Variants in MAN2A1 observed in about 807,000 individuals in gnomAD.
MAN2A1 encodes mannosidase alpha class 2A member 1.
MAN2A1 carries 76 observed loss-of-function variants against 142.6 expected under a neutral mutation model. The ratio of observed to expected loss-of-function variants is 0.53; its 90% CI spans 0.44 to 0.65. The LOEUF is 0.65. MAN2A1 is among the 30% of genes least tolerant of loss of function. MAN2A1 has a pLI of 0.00. For missense variants in MAN2A1, 1,311 were observed against 1,365.1 expected (o/e 0.96, Z 0.62); for synonymous variants, 559 against 473.2 (o/e 1.18, Z -2.35).
chr5:109,732,324 CTGA>C (rs1561483414), intron 4 of MAN2A1, among the ~76,000 whole-genome samples: 6 of 152,086 alleles, frequency 3.9e-5, no homozygotes, highest in African/African-American at 1.4e-4. Context: ...CCTGTTCACT[CTGA>C]TGGTAGTTTC....
chr5:109,752,322 C>G (rs1752568853), intron 4 of MAN2A1, among the ~76,000 whole-genome samples: 1 of 152,106 alleles, frequency 6.6e-6, no homozygotes, highest in Admixed American at 6.6e-5. Flanking sequence ...CTGTGAGCTT[C>G]TTCTAATATA....
chr5:109,774,394 C>T (rs943130293), intron 7 of MAN2A1, among the ~76,000 whole-genome samples: 4 of 151,940 alleles, frequency 2.6e-5, no homozygotes, highest in African/African-American at 7.3e-5. Flanking sequence ...TGTGGGAAGT[C>T]CTTATTGTCT....
At chr5:109,826,301 A>T (rs1754758616) in intron 16 of MAN2A1, among the ~76,000 whole-genome samples, 1 of 152,146 alleles carries the variant, frequency 6.6e-6, no homozygotes, top group Non-Finnish European at 1.5e-5. Flanking sequence ...TGATGGATAA[A>T]TAAGTGTAAT....
At position 109,701,608 on chromosome 5, in the gene MAN2A1, C is replaced by T. The variant is rs561743802; in HGVS notation, c.135+11056C>T. On this transcript the variant is annotated intron_variant, in intron 1 of 21. Transcript: ENST00000261483. Reference sequence around the variant, plus strand: ...TATTCAATCTAGATTATTCTGGTAGCTGTGTGTAGGAAGATTCAAGTAGGA... The same window carrying T: ...TATTCAATCTAGATTATTCTGGTAGTTGTGTGTAGGAAGATTCAAGTAGGA... Among the ~76,000 whole-genome samples the T allele has an allele frequency of 3.3e-5, 5 of 152,118 alleles. No homozygotes were observed. The South Asian group carries it at 1.0e-3, about 32-fold the overall frequency.
chr5:109,823,983 AACTT>A, intron 16 of MAN2A1, 146 bp downstream of exon 16: 1 of 500,912 alleles, frequency 2.0e-6, no homozygotes, highest in South Asian at 3.5e-5. Flanking sequence ...TAAAATATGA[AACTT>A]ACCCTTTGAT....
At position 109,819,773 on chromosome 5, in the gene MAN2A1, T is replaced by C; in HGVS notation, c.2214T>C (p.Asn738=). ...TAGCTGATTATGTCTTGTATAAGAA[T>C]AAAGTAGAAGATAGCGGAATTTTCA... ...SHLADYVLYK[N]KVEDSGIFTI... is the part of the protein sequence containing the mutation. Residue 738 remains asparagine, a synonymous_variant, in exon 14 of 22, where the codon AAT becomes AAC. Transcript: ENST00000261483. The C allele has an allele frequency of 3.1e-6, 5 of 1,610,634 alleles. No homozygotes were observed. The highest frequency in any genetic ancestry group is 1.3e-5 in the African/African-American group (1 of 74,976).
At chr5:109,825,552 T>C (rs928833874) in intron 16 of MAN2A1, among the ~76,000 whole-genome samples, 1 of 152,236 alleles carries the variant, frequency 6.6e-6, no homozygotes, top group African/African-American at 2.4e-5. Context: ...TCTCACATCA[T>C]AGGGCAGTTT....
intron 1 of MAN2A1, among the ~76,000 whole-genome samples, chr5:109,699,205 C>G (rs2112541836): frequency 6.6e-6 from 1 of 152,300 alleles, no homozygotes; most frequent in South Asian, 2.1e-4. Context: ...TTCTCCCACT[C>G]AATTTCTCTT....
intron 1 of MAN2A1, chr5:109,699,672 A>G (rs1750918891): frequency 6.5e-6 from 1 of 154,300 alleles, no homozygotes; most frequent in African/African-American, 2.4e-5. Flanking sequence ...CCCGTCCTCC[A>G]TCAGGGATGG....
chr5:109,773,475 G>A (rs576922654), intron 7 of MAN2A1, among the ~76,000 whole-genome samples: 21 of 151,186 alleles, frequency 1.4e-4, no homozygotes, highest in Non-Finnish European at 2.4e-4. Flanking sequence ...TTTTTTGGTA[G>A]CCTTCTTTCT....
At chr5:109,832,340 T>A (rs965401460) in intron 16 of MAN2A1, among the ~76,000 whole-genome samples, 15 of 152,036 alleles carry the variant, frequency 9.9e-5, no homozygotes, top group Non-Finnish European at 2.1e-4. Flanking sequence ...AGTTTTTGTG[T>A]CCCTGGGTAC....
intron 5 of MAN2A1, among the ~76,000 whole-genome samples, chr5:109,761,417 C>G (rs868064166): frequency 6.6e-6 from 1 of 151,840 alleles, no homozygotes; most frequent in East Asian, 1.9e-4. Context: ...GTATTTTTCA[C>G]TTAACAGTGA....
rs1755840223 is a variant in MAN2A1 at position 109,864,891 on chromosome 5, T to C, written c.3172-145T>C. On this transcript the variant is annotated intron_variant, in intron 20 of 21. Coordinates refer to ENST00000261483, the MANE Select transcript of MAN2A1 (RefSeq NM_002372.4). ...GTAGCAGGTGAATGGGCAGTGAGCA[T>C]GGACCTGAGGAGAAATGAATTTGCC... 6.2e-6 allele frequency: 4 copies of C among 645,278 alleles called. No individual in the cohort carries two copies. The Admixed American group carries it at 9.2e-5, about 15-fold the overall frequency. The allele number at this position is 645,278 out of a possible 1,614,324, so 40.0% of individuals were successfully genotyped here. A position where few individuals can be genotyped will look rare whatever the true frequency, so the allele number is the denominator to read the frequency against.
chr5:109,690,202 C>G lies in MAN2A1; in HGVS notation c.-216C>G, dbSNP rs773821555. 17 of 533,354 alleles carry G rather than the reference C, an allele frequency of 3.2e-5. No homozygotes were observed. The highest frequency in any genetic ancestry group is 5.4e-5 in the Non-Finnish European group (16 of 297,078). 33.0% of individuals were successfully genotyped at this position (533,354 alleles called of 1,614,324 possible). ...GTCTCGCCTCGAGAGGGGCGCCCGACCCCGGGGAGGGCGGCAGGCCAGGGC... is the reference window on the plus strand; with the variant it reads ...GTCTCGCCTCGAGAGGGGCGCCCGAGCCCGGGGAGGGCGGCAGGCCAGGGC... On this transcript the variant is annotated 5_prime_UTR_variant, in exon 1 of 22. Coordinates refer to ENST00000261483, the MANE Select transcript of MAN2A1 (RefSeq NM_002372.4).
chr5:109,770,949 T>C (rs1213735900), intron 7 of MAN2A1, among the ~76,000 whole-genome samples: 6 of 152,218 alleles, frequency 3.9e-5, no homozygotes, highest in Non-Finnish European at 7.3e-5. Flanking sequence ...ATAAAGAGTG[T>C]AATTATCTGT....
chr5:109,760,773 T>G (rs150577574), intron 5 of MAN2A1, among the ~76,000 whole-genome samples: 1 of 152,202 alleles, frequency 6.6e-6, no homozygotes, highest in Non-Finnish European at 1.5e-5. Context: ...CATAAATGTC[T>G]TCTTTTGAGA....
At chr5:109,696,316 G>A (rs752822806) in intron 1 of MAN2A1, among the ~76,000 whole-genome samples, 3 of 152,140 alleles carry the variant, frequency 2.0e-5, no homozygotes, top group Non-Finnish European at 2.9e-5. Flanking sequence ...GGCCAGGATG[G>A]TCTCGATCTC....
chr5:109,715,815 T>A (rs1751437253), intron 2 of MAN2A1, among the ~76,000 whole-genome samples: 1 of 152,182 alleles, frequency 6.6e-6, no homozygotes, highest in Non-Finnish European at 1.5e-5. Context: ...GTTCTTTTTC[T>A]ATAAATTTCT....
chr5:109,781,679 C>G, intron 9 of MAN2A1, 81 bp downstream of exon 9: 3 of 918,154 alleles, frequency 3.3e-6, no homozygotes, highest in Non-Finnish European at 4.8e-6. Flanking sequence ...ACGTAATATA[C>G]ATCATTCATG....
Sources: gnomAD v4.1 joint callset for allele counts (sites outside exome capture counted in the v4.1 genomes callset) on GRCh38, gnomAD v4.1.1 for gene constraint, MANE v1.5 for transcripts, NCBI Gene and HGNC (gene_info 2026-07-23, HGNC 2026-07-21) for gene names.